Variants in COMMD10 observed in about 807,000 individuals in gnomAD.
COMMD10 encodes COMM domain containing 10, also known as COMM domain-containing protein 10.
In COMMD10, 33 loss-of-function variants were observed where a neutral mutation model predicts 28.9. The ratio of observed to expected loss-of-function variants is 1.14; its 90% CI spans 0.87 to 1.53. The LOEUF (loss-of-function observed/expected upper bound fraction) is 1.53. Ranked by LOEUF, COMMD10 falls within the 40% of genes most tolerant of loss-of-function variation. The probability of loss-of-function intolerance (pLI) is 0.00; values close to 1 mark genes in which losing one functional copy is unlikely to be tolerated. For missense variants in COMMD10, 310 were observed against 233.4 expected (o/e 1.33, Z -2.14); for synonymous variants, 110 against 81.7 (o/e 1.35, Z -1.87).
rs771437086 is a variant in COMMD10, at chr5:116,292,528, C to T, written c.*39C>T. 2.3e-5 allele frequency: 36 copies of T among 1,542,588 alleles called. No homozygotes were observed. Among genetic ancestry groups the T allele is most frequent in the Non-Finnish European group, 2.6e-6 (3 of 1,138,148 alleles). ...TGTTTTTTTCATCACGCTCCTGCCACCTCATTATTTTGCATTGAAGATACA... is the reference window on the plus strand; with the variant it reads ...TGTTTTTTTCATCACGCTCCTGCCATCTCATTATTTTGCATTGAAGATACA... On this transcript the variant is annotated 3_prime_UTR_variant, in exon 7 of 7. Transcript: ENST00000274458.
chr5:116,130,698 T>C (rs1441828061), intron 4 of COMMD10, among the ~76,000 whole-genome samples: 1 of 152,048 alleles, frequency 6.6e-6, no homozygotes, highest in African/African-American at 2.4e-5. Flanking sequence ...ATTTGTCCTT[T>C]CTTCTAGCCA....
At chr5:116,256,968 A>T (rs1462937165) in intron 5 of COMMD10, among the ~76,000 whole-genome samples, 1 of 151,792 alleles carries the variant, frequency 6.6e-6, no homozygotes, top group African/African-American at 2.4e-5. Context: ...GAAAAAAATG[A>T]GTTCAGAGTA....
intron 4 of COMMD10, among the ~76,000 whole-genome samples, chr5:116,117,046 T>C (rs1751264242): frequency 6.6e-6 from 1 of 152,234 alleles, no homozygotes; most frequent in African/African-American, 2.4e-5. Flanking sequence ...TCATATAATA[T>C]GTATTTGACT....
intron 5 of COMMD10, among the ~76,000 whole-genome samples, chr5:116,259,397 TGCTATCTTTTC>T (rs1208942075): frequency 6.6e-6 from 1 of 151,748 alleles, no homozygotes; most frequent in Non-Finnish European, 1.5e-5. Flanking sequence ...TTTGTCTGTG[TGCTATCTTTTC>T]AAATCTCACT....
intron 5 of COMMD10, among the ~76,000 whole-genome samples, chr5:116,139,908 T>A (rs1316674210): frequency 6.6e-6 from 1 of 151,778 alleles, no homozygotes; most frequent in Non-Finnish European, 1.5e-5. Flanking sequence ...GCACGTAAAA[T>A]CTATTTTCCT....
intron 5 of COMMD10, among the ~76,000 whole-genome samples, chr5:116,175,408 T>G (rs553661988): frequency 6.6e-6 from 1 of 152,244 alleles, no homozygotes; most frequent in African/African-American, 2.4e-5. Flanking sequence ...ATAATGGGTA[T>G]CCTTGTACAT....
rs73259079 is a variant in COMMD10, at chr5:116,240,231, C to T, written c.511-51286C>T. Among the ~76,000 whole-genome samples, 1,414 of 147,404 alleles carry T rather than the reference C, an allele frequency of 9.6e-3. 25 individuals carry two copies. Among genetic ancestry groups the T allele is most frequent in the African/African-American group, 0.033 (1,317 of 39,964 alleles). ...AAAATGGGAGAAATGGAAGACGTAA[C>T]AAAAAAGAAAAAAGATGAAGAAAAA... is the stretch of plus-strand genomic sequence containing the variant. On this transcript the variant is annotated intron_variant, in intron 5 of 6. Transcript: ENST00000274458.
chr5:116,276,445 A>G (rs925983815), intron 5 of COMMD10, among the ~76,000 whole-genome samples: 1 of 151,556 alleles, frequency 6.6e-6, no homozygotes, highest in African/African-American at 2.4e-5. Flanking sequence ...CCATTTTGCC[A>G]GGTTGGTCTC....
In COMMD10 at chr5:116,262,688, A is replaced by G. The variant is rs192901290; in HGVS notation, c.511-28829A>G. 7.9e-5 allele frequency among the ~76,000 whole-genome samples: 12 copies of G among 151,954 alleles called. No homozygotes were observed. The East Asian group carries it at 2.1e-3, about 27-fold the overall frequency. ...CAGTCTGAAGTGAGCTGCAGATACA[A>G]TGCCTAAGCATTTTGTCCTTTGTAT... is the stretch of plus-strand genomic sequence containing the variant. On this transcript the variant is annotated intron_variant, in intron 5 of 6. Coordinates refer to ENST00000274458, the MANE Select transcript of COMMD10 (RefSeq NM_016144.4).
At chr5:116,237,328 G>C (rs928033691) in intron 5 of COMMD10, among the ~76,000 whole-genome samples, 1 of 152,110 alleles carries the variant, frequency 6.6e-6, no homozygotes, top group African/African-American at 2.4e-5. Flanking sequence ...ACAGAGATGG[G>C]AAGTGTTTAC....
chr5:116,257,489 G>A (rs1750320152), intron 5 of COMMD10, among the ~76,000 whole-genome samples: 1 of 151,538 alleles, frequency 6.6e-6, no homozygotes, highest in Non-Finnish European at 1.5e-5. Context: ...TGCATAGGAG[G>A]GCATTTTAGC....
At chr5:116,257,796 A>C (rs972187338) in intron 5 of COMMD10, among the ~76,000 whole-genome samples, 17 of 151,938 alleles carry the variant, frequency 1.1e-4, no homozygotes, top group Admixed American at 2.6e-4. Flanking sequence ...AGAAAATTTT[A>C]AGATTCTTAT....
chr5:116,201,953 T>G (rs899224248), intron 5 of COMMD10, among the ~76,000 whole-genome samples: 2 of 151,730 alleles, frequency 1.3e-5, no homozygotes, highest in Admixed American at 6.6e-5. Flanking sequence ...TAGTTACATA[T>G]GTATACATGT....
chr5:116,214,590 G>A (rs1209770072), intron 5 of COMMD10, among the ~76,000 whole-genome samples: 1 of 152,062 alleles, frequency 6.6e-6, no homozygotes, highest in Non-Finnish European at 1.5e-5. Flanking sequence ...GGTGTTCTAT[G>A]TGACCTTCAA....
chr5:116,230,148 C>G (rs1356486165), intron 5 of COMMD10, among the ~76,000 whole-genome samples: 1 of 151,996 alleles, frequency 6.6e-6, no homozygotes, highest in Non-Finnish European at 1.5e-5. Flanking sequence ...AAGTAGGTCT[C>G]AAAGAGCATC....
In COMMD10 at chr5:116,268,041, A is replaced by C. The variant is rs568883394; in HGVS notation, c.511-23476A>C. On this transcript the variant is annotated intron_variant, in intron 5 of 6. Coordinates refer to ENST00000274458, the MANE Select transcript of COMMD10 (RefSeq NM_016144.4). ...TACCATTCAGGACATAGGCATGGGCAAGGACTTCATGTCTAAAACACCAAA... is the reference window on the plus strand; with the variant it reads ...TACCATTCAGGACATAGGCATGGGCCAGGACTTCATGTCTAAAACACCAAA... Among the ~76,000 whole-genome samples, 9 of 151,986 alleles carry C rather than the reference A, an allele frequency of 5.9e-5. No individual in the cohort carries two copies. The South Asian group carries it at 1.9e-3, about 31-fold the overall frequency.
At chr5:116,191,644 C>G (rs1748374895) in intron 5 of COMMD10, among the ~76,000 whole-genome samples, 1 of 151,862 alleles carries the variant, frequency 6.6e-6, no homozygotes, top group South Asian at 2.1e-4. Flanking sequence ...AAGACCCACC[C>G]AAGGAGAGTC....
At chr5:116,200,002 T>C (rs1247720442) in intron 5 of COMMD10, among the ~76,000 whole-genome samples, 1 of 152,192 alleles carries the variant, frequency 6.6e-6, no homozygotes, top group Non-Finnish European at 1.5e-5. Context: ...GGATACATAC[T>C]AGGTGTATAT....
chr5:116,201,958 A>G (rs1748678550), intron 5 of COMMD10, among the ~76,000 whole-genome samples: 1 of 151,882 alleles, frequency 6.6e-6, no homozygotes, highest in Admixed American at 6.5e-5. Flanking sequence ...ACATATGTAT[A>G]CATGTGCCAT....
Sources: allele counts gnomAD v4.1 joint callset (sites outside exome capture counted in the v4.1 genomes callset), GRCh38; gene constraint gnomAD v4.1.1; transcripts MANE v1.5; gene names NCBI Gene and HGNC (gene_info 2026-07-23, HGNC 2026-07-21).